The following TTC34 variants were observed in gnomAD, a reference collection of about 807,000 sequenced individuals.
TTC34 encodes tetratricopeptide repeat domain 34.
Under a neutral mutation model 40.7 loss-of-function variants are expected in TTC34, and 44 were observed. That is an observed-to-expected ratio of 1.08 (90% CI 0.85 to 1.39). TTC34 has a LOEUF of 1.39. Among genes scored for constraint, TTC34 ranks in the 40% most tolerant of loss-of-function variants. TTC34 has a pLI of 0.00. For synonymous variants in TTC34, 422 were observed against 398.6 expected (o/e 1.06, Z -0.70); for missense variants, 884 against 838.0 (o/e 1.05, Z -0.68).
At chr1:2,790,108 C>T (rs1643646209) in exon 3 of TTC34, 2 of 398,098 alleles carry the variant, frequency 5.0e-6, no homozygotes, top group South Asian at 1.3e-4. Flanking sequence ...CCTCGCGGAG[C>T]TCAGGGTGGT....
intron 6 of TTC34, among the ~76,000 whole-genome samples, chr1:2,755,769 G>A (rs1472287861): frequency 4.7e-5 from 4 of 85,442 alleles, no homozygotes; most frequent in South Asian, 3.9e-4. Context: ...TGACAGCCTG[G>A]AACGGCACCC....
intron 6 of TTC34, among the ~76,000 whole-genome samples, chr1:2,751,668 G>A (rs1188363070): frequency 8.1e-6 from 1 of 123,562 alleles, no homozygotes; most frequent in Non-Finnish European, 1.6e-5. Context: ...GCATTGGACA[G>A]CCTGGATCAG....
exon 3 of TTC34, chr1:2,789,627 G>A: frequency 7.3e-7 from 1 of 1,372,516 alleles, no homozygotes; most frequent in Non-Finnish European, 9.4e-7. Flanking sequence ...ACCAGCAGCA[G>A]CCCCCGCTGG....
At chr1:2,747,698 C>CATG (rs1641198035) in intron 6 of TTC34, among the ~76,000 whole-genome samples, 8 of 119,760 alleles carry the variant, frequency 6.7e-5, no homozygotes, top group South Asian at 2.8e-4. Context: ...CATCTGACAG[C>CATG]TTGGAACAGC....
chr1:2,751,709 C>T (rs1641326366), intron 6 of TTC34, among the ~76,000 whole-genome samples: 3 of 150,882 alleles, frequency 2.0e-5, no homozygotes, highest in Admixed American at 2.0e-4. Flanking sequence ...CATCCGACAG[C>T]CTGGAGCAGC....
chr1:2,688,572 T>C (rs1323199539), intron 6 of TTC34, among the ~76,000 whole-genome samples: 76 of 51,832 alleles, frequency 1.5e-3, no homozygotes, highest in Middle Eastern at 0.029. Context: ...CACCCACACC[T>C]TCCGGCGCGC....
intron 5 of TTC34, among the ~76,000 whole-genome samples, chr1:2,784,314 T>C (rs1022022171): frequency 2.0e-5 from 3 of 152,306 alleles, no homozygotes; most frequent in East Asian, 1.9e-4. Context: ...ACTTTCACTA[T>C]TCCTTCTACC....
At chr1:2,747,555 C>CA (rs1641193890) in intron 6 of TTC34, among the ~76,000 whole-genome samples, 1 of 32,454 alleles carries the variant, frequency 3.1e-5, no homozygotes, top group Non-Finnish European at 5.1e-5. Flanking sequence ...AGAAACCCCA[C>CA]CCTCAGGTGA....
chr1:2,785,672 C>T, intron 5 of TTC34, 147 bp downstream of exon 5: 2 of 873,644 alleles, frequency 2.3e-6, no homozygotes, highest in Non-Finnish European at 1.7e-6. Context: ...CAGCGAGTGG[C>T]CCTTGCCCTG....
chr1:2,638,234 A>G (rs1368772382), exon 9 of TTC34: 1 of 152,120 alleles, frequency 6.6e-6, no homozygotes, highest in Non-Finnish European at 1.5e-5. Flanking sequence ...TCACACCAAA[A>G]TGCTCGTAAG....
chr1:2,685,615 G>A (rs570256811), intron 6 of TTC34, among the ~76,000 whole-genome samples: 136 of 140,644 alleles, frequency 9.7e-4, no homozygotes, highest in South Asian at 2.7e-3. Context: ...GCGAGCATCC[G>A]ACAGCCTGGA....
At chr1:2,753,317 C>A (rs1641388800) in intron 6 of TTC34, among the ~76,000 whole-genome samples, 2 of 126,056 alleles carry the variant, frequency 1.6e-5, no homozygotes, top group Non-Finnish European at 3.2e-5. Context: ...CATCCGACAG[C>A]CTGGAGCATC....
At chr1:2,790,486 C>T in intron 2 of TTC34, 140 bp from the exon 3 acceptor site, 1 of 397,402 alleles carries the variant, frequency 2.5e-6, no homozygotes, top group Non-Finnish European at 4.4e-6. Flanking sequence ...CTCCAGTCTC[C>T]AGGTGGCCCT....
intron 8 of TTC34, among the ~76,000 whole-genome samples, chr1:2,643,291 C>T (rs574298559): frequency 2.0e-5 from 3 of 152,352 alleles, no homozygotes; most frequent in African/African-American, 7.2e-5. Context: ...GGTGGGTCCC[C>T]GTCTCCAGGC....
At chr1:2,695,690 C>A (rs556431923) in intron 6 of TTC34, among the ~76,000 whole-genome samples, 2 of 151,948 alleles carry the variant, frequency 1.3e-5, no homozygotes, top group African/African-American at 4.8e-5. Flanking sequence ...AGGTGAGCAT[C>A]TGACAGCCTG....
At chr1:2,800,842 C>T (rs1643765034) in exon 2 of TTC34, 2 of 398,598 alleles carry the variant, frequency 5.0e-6, no homozygotes, top group Non-Finnish European at 4.4e-6. Context: ...GGGACCCCGA[C>T]GGGCCCATGT....
chr1:2,769,628 C>A (rs1420743536), intron 6 of TTC34, among the ~76,000 whole-genome samples: 4 of 134,990 alleles, frequency 3.0e-5, no homozygotes, highest in African/African-American at 8.8e-5. Flanking sequence ...ACAGCACCCA[C>A]ACCCCCAGGT....
At chr1:2,684,350 C>T (rs867748302) in intron 6 of TTC34, among the ~76,000 whole-genome samples, 704 of 151,012 alleles carry the variant, frequency 4.7e-3, no homozygotes, top group African/African-American at 0.017. Flanking sequence ...GCAGCAGCAC[C>T]CACACCCACA....
chr1:2,788,221 C>G (rs1175249870), intron 3 of TTC34, among the ~76,000 whole-genome samples: 1 of 152,214 alleles, frequency 6.6e-6, no homozygotes, highest in African/African-American at 2.4e-5. Flanking sequence ...ATCAAAGCCA[C>G]GCAAATTAAA....
Sources: allele counts gnomAD v4.1 joint callset (sites outside exome capture counted in the v4.1 genomes callset), GRCh38; gene constraint gnomAD v4.1.1; transcripts MANE v1.5; gene names NCBI Gene and HGNC (gene_info 2026-07-23, HGNC 2026-07-21).